ADCY5: variants seen among roughly 807,000 people sequenced by gnomAD.
ADCY5 encodes the protein adenylate cyclase 5.
ADCY5 carries 30 observed loss-of-function variants against 119.7 expected under a neutral mutation model. The ratio of observed to expected loss-of-function variants is 0.25; its 90% CI spans 0.19 to 0.34. The LOEUF (loss-of-function observed/expected upper bound fraction) is 0.34, where lower values mean the gene tolerates loss of function less well. Ranked by LOEUF, ADCY5 falls within the 10% of genes least tolerant of loss-of-function variation. The pLI is 1.00. For missense variants in ADCY5, 1,324 were observed against 1,775.2 expected (o/e 0.75, Z 4.57); for synonymous variants, 753 against 762.2 (o/e 0.99, Z 0.20).
chr3:123,316,930 C>T (rs938615186), intron 11 of ADCY5, among the ~76,000 whole-genome samples: 4 of 152,036 alleles, frequency 2.6e-5, no homozygotes, highest in Admixed American at 2.6e-4. Context: ...AACAGTTGTT[C>T]TATCTAGGGG....
chr3:123,368,141 C>T (rs988616592), intron 1 of ADCY5: 3 of 1,077,412 alleles, frequency 2.8e-6, no homozygotes, highest in Admixed American at 3.0e-5. Flanking sequence ...GCCAGTCATG[C>T]AACCTACAGG....
chr3:123,328,692 G>A lies in ADCY5; in HGVS notation c.1757C>T (p.Ser586Phe). The A allele has an allele frequency of 6.2e-7, 1 of 1,614,234 alleles. No individual in the cohort carries two copies. The highest frequency in any genetic ancestry group is 8.5e-7 in the Non-Finnish European group (1 of 1,180,044). ...GLRKWQFDVW[S>F]NDVTLANHME... is the part of the protein sequence containing the mutation. ...GTGGTTGGCTAGCGTGACATCGTTAGACCAGACGTCGAACTGCCACTTCCT... is the reference window on the plus strand; with the variant it reads ...GTGGTTGGCTAGCGTGACATCGTTAAACCAGACGTCGAACTGCCACTTCCT... The change falls in exon 6 of 21, where the codon TCT becomes TTT. Residue 586 changes from serine (S) to phenylalanine (F), a missense_variant. Physicochemically the swap from Ser to Phe is radical, Grantham distance 155 (BLOSUM62 -2). Transcript: ENST00000462833.
At chr3:123,337,774 C>A (rs934529380) in intron 3 of ADCY5, among the ~76,000 whole-genome samples, 5 of 152,230 alleles carry the variant, frequency 3.3e-5, no homozygotes, top group African/African-American at 9.6e-5. Flanking sequence ...TCACAGGTAC[C>A]AGGGGTTCAA....
chr3:123,368,417 G>C (rs13097463), intron 1 of ADCY5, among the ~76,000 whole-genome samples: 61,849 of 152,102 alleles, frequency 0.41, 13,289 homozygotes, highest in Non-Finnish European at 0.47. Flanking sequence ...CCAACATGGC[G>C]AAACGCTGTC....
chr3:123,405,806 T>C (rs1253751423), intron 1 of ADCY5, among the ~76,000 whole-genome samples: 2 of 152,290 alleles, frequency 1.3e-5, no homozygotes, highest in Admixed American at 1.3e-4. Context: ...GGCTGGTTTT[T>C]GTATCTTTAG....
At position 123,336,868 on chromosome 3, in the gene ADCY5, G is replaced by A. The variant is rs116757132; in HGVS notation, c.1407-4193C>T. The stretch of plus-strand genomic sequence containing the variant: ...GTCACACTAGACCATATGGTCCTGG[G>A]ACCAGGCATCTCGTAGAACCACCTG... On this transcript the variant is annotated intron_variant, in intron 3 of 20. Transcript: ENST00000462833. Among the ~76,000 whole-genome samples the A allele has an allele frequency of 6.8e-3, 1,030 of 152,316 alleles. 9 individuals carry two copies. Among genetic ancestry groups the A allele is most frequent in the African/African-American group, 0.024 (984 of 41,574 alleles).
At chr3:123,298,587 A>C (rs1163240530) in intron 15 of ADCY5, among the ~76,000 whole-genome samples, 1 of 152,052 alleles carries the variant, frequency 6.6e-6, no homozygotes, top group African/African-American at 2.4e-5. Flanking sequence ...ATATGACTTA[A>C]ACCCTTCATT....
intron 3 of ADCY5, among the ~76,000 whole-genome samples, chr3:123,342,586 ACCCTGGGG>A (rs1263940848): frequency 3.9e-5 from 6 of 152,076 alleles, no homozygotes; most frequent in Non-Finnish European, 7.4e-5. Flanking sequence ...CCCATCCTGA[ACCCTGGGG>A]CCCTGCGGGG....
intron 1 of ADCY5, among the ~76,000 whole-genome samples, chr3:123,398,987 C>T (rs982197972): frequency 2.0e-5 from 3 of 152,210 alleles, no homozygotes; most frequent in East Asian, 1.9e-4. Context: ...CCCATAGGGC[C>T]GGCCATCCAG....
chr3:123,348,485 C>G (rs550297303), intron 2 of ADCY5, among the ~76,000 whole-genome samples: 52 of 152,232 alleles, frequency 3.4e-4, no homozygotes, highest in African/African-American at 1.2e-3. Flanking sequence ...TATGGGGGCA[C>G]TGAGCAGGGA....
At chr3:123,301,648 C>G (rs1939858963) in intron 14 of ADCY5, among the ~76,000 whole-genome samples, 1 of 152,240 alleles carries the variant, frequency 6.6e-6, no homozygotes, top group South Asian at 2.1e-4. Flanking sequence ...GCCTCTCCCA[C>G]AAATGAGGAG....
intron 20 of ADCY5, among the ~76,000 whole-genome samples, chr3:123,285,868 T>G (rs1190368439): frequency 6.6e-6 from 1 of 152,224 alleles, no homozygotes; most frequent in Non-Finnish European, 1.5e-5. Context: ...CAGGTCAGGC[T>G]GAGTGGACCA....
intron 2 of ADCY5, among the ~76,000 whole-genome samples, chr3:123,351,414 A>G (rs1411340528): frequency 6.6e-6 from 1 of 152,160 alleles, no homozygotes; most frequent in Non-Finnish European, 1.5e-5. Context: ...TGTCCCCCAC[A>G]CTCAAAGGCA....
At chr3:123,439,142 A>T (rs1390566538) in intron 1 of ADCY5, among the ~76,000 whole-genome samples, 1 of 126,592 alleles carries the variant, frequency 7.9e-6, no homozygotes, top group Non-Finnish European at 1.6e-5. Context: ...ATCTCGGCTC[A>T]CTGCAAGCTC....
At chr3:123,379,356 T>C (rs55689356) in intron 1 of ADCY5, among the ~76,000 whole-genome samples, 71,880 of 151,604 alleles carry the variant, frequency 0.47, 17,779 homozygotes, top group East Asian at 0.68. Flanking sequence ...CGGAGTGGGG[T>C]TTGGGGAAGT....
intron 7 of ADCY5, among the ~76,000 whole-genome samples, chr3:123,326,958 G>C (rs1941522763): frequency 2.0e-5 from 3 of 152,180 alleles, no homozygotes; most frequent in Non-Finnish European, 4.4e-5. Flanking sequence ...CTCTATCAAA[G>C]GGCACTGACT....
In ADCY5 at chr3:123,286,772, C is replaced by A; in HGVS notation, c.3570G>T (p.Gly1190=). 6.2e-7 allele frequency: 1 copy of A among 1,612,538 alleles called. No homozygotes were observed. The highest frequency in any genetic ancestry group is 8.5e-7 in the Non-Finnish European group (1 of 1,179,326). ...AGATGTCGTACTGAGGCTTTCGTGC[C>A]CCTATCACCCCGGCCACCACGGGGC... ...NIGPVVAGVI[G]ARKPQYDIWG... Residue 1190 remains glycine (G), a synonymous_variant, in exon 20 of 21, where the codon GGG becomes GGT. Coordinates refer to ENST00000462833, the MANE Select transcript of ADCY5 (RefSeq NM_183357.3). The surrounding 1 kb of genome is among the most constrained non-coding windows in gnomAD (Gnocchi z 4.2).
chr3:123,371,032 A>G (rs916341653), intron 1 of ADCY5, among the ~76,000 whole-genome samples: 1 of 152,224 alleles, frequency 6.6e-6, no homozygotes, highest in East Asian at 1.9e-4. Context: ...GAGCAGAGAC[A>G]AAGCAGACAG....
At chr3:123,301,618 GGGCTGAA>G (rs1939857336) in intron 14 of ADCY5, among the ~76,000 whole-genome samples, 1 of 152,210 alleles carries the variant, frequency 6.6e-6, no homozygotes, top group African/African-American at 2.4e-5. Flanking sequence ...CAGCTGGTGG[GGGCTGAA>G]GGCTGGCACC....
Sources: allele counts gnomAD v4.1 joint callset (sites outside exome capture counted in the v4.1 genomes callset), GRCh38; gene constraint gnomAD v4.1.1; non-coding constraint Gnocchi (gnomAD v3.1); transcripts MANE v1.5; gene names NCBI Gene and HGNC (gene_info 2026-07-23, HGNC 2026-07-21).